Variants in ERAP1 observed in about 807,000 individuals in gnomAD.
The protein encoded by ERAP1 is adipocyte-derived leucine aminopeptidase.
In ERAP1, 86 loss-of-function variants were observed where a neutral mutation model predicts 103.7. That is an observed-to-expected ratio of 0.83 (90% CI 0.70 to 0.99). The LOEUF (loss-of-function observed/expected upper bound fraction) is 0.99. Among genes scored for constraint, ERAP1 ranks in the 50% least tolerant of loss-of-function variants. The pLI is 0.00. For synonymous variants in ERAP1, 398 were observed against 402.4 expected (o/e 0.99, Z 0.13); for missense variants, 1,009 against 1,128.4 (o/e 0.89, Z 1.52).
At chr5:96,787,877 G>T (rs152465) in intron 11 of ERAP1, among the ~76,000 whole-genome samples, 37,202 of 134,412 alleles carry the variant, frequency 0.28, 4,672 homozygotes, top group Admixed American at 0.32. Flanking sequence ...TATATATATA[G>T]AGAGAGAGAG....
At chr5:96,818,220 G>T in the ERAP1 span, among the ~76,000 whole-genome samples, 2 of 152,086 alleles carry the variant, frequency 1.3e-5, no homozygotes, top group Non-Finnish European at 2.9e-5. Context: ...GGTATATTTG[G>T]AATGTCTCCA....
chr5:96,783,402 T>C (rs545829918), intron 14 of ERAP1, among the ~76,000 whole-genome samples, 167 bp from the exon 15 acceptor site: 1 of 151,788 alleles, frequency 6.6e-6, no homozygotes, highest in African/African-American at 2.4e-5. Flanking sequence ...CCAAAAACAA[T>C]AAATAATGAT....
the ERAP1 span, among the ~76,000 whole-genome samples, chr5:96,846,756 GC>G: frequency 6.6e-6 from 1 of 151,058 alleles, no homozygotes; most frequent in Non-Finnish European, 1.5e-5. Flanking sequence ...ACCAAAAGAT[GC>G]AAAAAAGTAT....
At chr5:96,810,080 C>T (rs997557191), upstream of ERAP1, among the ~76,000 whole-genome samples, 1 of 152,180 alleles carries the variant, frequency 6.6e-6, no homozygotes, top group Non-Finnish European at 1.5e-5. Context: ...CCACCCGCTC[C>T]ACGCCGTTTC....
At chr5:96,763,000 A>G in exon 20 of ERAP1, 1 of 640,070 alleles carries the variant, frequency 1.6e-6, no homozygotes, top group Non-Finnish European at 2.8e-6. Context: ...ATACCAAATT[A>G]TACATTACCA....
At chr5:96,838,225 T>C in the ERAP1 span, among the ~76,000 whole-genome samples, 1 of 152,180 alleles carries the variant, frequency 6.6e-6, no homozygotes, top group African/African-American at 2.4e-5. Flanking sequence ...TCATTAATAA[T>C]ATCTCCAAAT....
intron 3 of ERAP1, among the ~76,000 whole-genome samples, chr5:96,798,324 CA>C (rs3076633): frequency 1.3e-3 from 100 of 76,334 alleles, no homozygotes; most frequent in East Asian, 2.9e-3. Flanking sequence ...GACTCCATCT[CA>C]AAAAAAAAAA....
At chr5:96,876,800 A>T in the ERAP1 span, among the ~76,000 whole-genome samples, 1 of 151,924 alleles carries the variant, frequency 6.6e-6, no homozygotes, top group Non-Finnish European at 1.5e-5. Flanking sequence ...CAATCCCAGG[A>T]TGTTTTGTTC....
At chr5:96,928,167 A>G in the ERAP1 span, among the ~76,000 whole-genome samples, 2 of 152,064 alleles carry the variant, frequency 1.3e-5, no homozygotes, top group Admixed American at 6.6e-5. Flanking sequence ...GGGATTATAG[A>G]CATGAACCAC....
chr5:96,825,694 C>T, the ERAP1 span, among the ~76,000 whole-genome samples: 1 of 152,198 alleles, frequency 6.6e-6, no homozygotes, highest in African/African-American at 2.4e-5. Flanking sequence ...CTATAATCTA[C>T]ACGATATATT....
the ERAP1 span, among the ~76,000 whole-genome samples, chr5:96,926,055 C>T: frequency 9.8e-4 from 149 of 151,976 alleles, 1 homozygote; most frequent in South Asian, 9.8e-3. Flanking sequence ...GGACTACAGG[C>T]GCGTGCCACC....
the ERAP1 span, among the ~76,000 whole-genome samples, chr5:96,930,397 C>A: frequency 3.3e-5 from 5 of 152,168 alleles, no homozygotes; most frequent in Non-Finnish European, 7.3e-5. Flanking sequence ...AGCTCCATTG[C>A]GCATGCACAC....
downstream of ERAP1, chr5:96,771,519 A>C: frequency 1.6e-6 from 1 of 637,818 alleles, no homozygotes; most frequent in South Asian, 2.2e-5. Flanking sequence ...AAGAAGAGAA[A>C]CTGAAAGGAC....
At chr5:96,898,149 T>C in the ERAP1 span, among the ~76,000 whole-genome samples, 2 of 151,998 alleles carry the variant, frequency 1.3e-5, no homozygotes, top group Non-Finnish European at 2.9e-5. Context: ...TGAGCCGAGA[T>C]TGCACCACTG....
chr5:96,895,719 C>T, the ERAP1 span, among the ~76,000 whole-genome samples: 2 of 152,304 alleles, frequency 1.3e-5, no homozygotes, highest in South Asian at 4.1e-4. Context: ...CTGAAATCAA[C>T]ATCATTGGGG....
At chr5:96,786,945 G>A (rs1776090189) in intron 11 of ERAP1, among the ~76,000 whole-genome samples, 1 of 152,102 alleles carries the variant, frequency 6.6e-6, no homozygotes, top group Non-Finnish European at 1.5e-5. Flanking sequence ...TGGAGAAACA[G>A]CAGAAAATCC....
chr5:96,832,228 T>A, the ERAP1 span, among the ~76,000 whole-genome samples: 2 of 152,196 alleles, frequency 1.3e-5, no homozygotes, highest in African/African-American at 4.8e-5. Flanking sequence ...TTGACTGGTA[T>A]CAAAGCAAAC....
the ERAP1 span, among the ~76,000 whole-genome samples, chr5:96,875,201 C>T: frequency 2.0e-5 from 3 of 151,986 alleles, no homozygotes; most frequent in Admixed American, 6.6e-5. Flanking sequence ...CTTTAATAAG[C>T]GGTGGGATTT....
the ERAP1 span, among the ~76,000 whole-genome samples, chr5:96,834,507 A>C: frequency 6.6e-6 from 1 of 152,230 alleles, no homozygotes; most frequent in Non-Finnish European, 1.5e-5. Flanking sequence ...TTAACTGCTA[A>C]GTTGTGATAT....
Sources: allele counts gnomAD v4.1 joint callset (sites outside exome capture counted in the v4.1 genomes callset), GRCh38; gene constraint gnomAD v4.1.1; transcripts MANE v1.5; gene names NCBI Gene and HGNC (gene_info 2026-07-23, HGNC 2026-07-21).